The following KANK1 variants were observed in gnomAD, a reference collection of about 807,000 sequenced individuals.
KANK1 encodes KN motif and ankyrin repeat domains 1, also known as KN motif and ankyrin repeat domain-containing protein 1.
Under a neutral mutation model 106.2 loss-of-function variants are expected in KANK1, and 109 were observed. The observed-to-expected ratio is 1.03, with a 90% CI of 0.88 to 1.20. The LOEUF is 1.20. Among genes scored for constraint, KANK1 ranks in the 50% most tolerant of loss-of-function variants. The probability of loss-of-function intolerance (pLI) is 0.00; values close to 1 mark genes in which losing one functional copy is unlikely to be tolerated. For synonymous variants in KANK1, 873 were observed against 652.2 expected, an observed-to-expected ratio of 1.34 and a Z score of -5.16; for missense variants, 2,399 against 1,710.7, an observed-to-expected ratio of 1.40 and a Z score of -7.10.
At chr9:669,595 A>C (rs895409862) in intron 1 of KANK1, among the ~76,000 whole-genome samples, 1 of 152,146 alleles carries the variant, frequency 6.6e-6, no homozygotes, top group South Asian at 2.1e-4. Flanking sequence ...TGTGTTGCCA[A>C]CTGAAGTGGA....
intron 1 of KANK1, among the ~76,000 whole-genome samples, chr9:639,531 G>A (rs1030828292): frequency 6.6e-6 from 1 of 151,928 alleles, no homozygotes; most frequent in Admixed American, 6.6e-5. Flanking sequence ...TGGCCAGGCT[G>A]GTCTTGAACT....
At chr9:572,702 T>C (rs1244400514) in intron 1 of KANK1, among the ~76,000 whole-genome samples, 1 of 152,180 alleles carries the variant, frequency 6.6e-6, no homozygotes, top group Non-Finnish European at 1.5e-5. Context: ...AGCCCTACTT[T>C]TGCTTTTTTG....
intron 3 of KANK1, among the ~76,000 whole-genome samples, chr9:498,148 G>T (rs557655400): frequency 2.6e-5 from 4 of 152,276 alleles, no homozygotes; most frequent in Non-Finnish European, 2.9e-5. Flanking sequence ...GCACAGGTAG[G>T]TATTACTGCC....
chr9:599,041 G>A (rs1409266485), intron 1 of KANK1, among the ~76,000 whole-genome samples: 20 of 142,518 alleles, frequency 1.4e-4, no homozygotes, highest in Non-Finnish European at 2.6e-4. Flanking sequence ...TTTTTGAGAC[G>A]GAGTTTCGCT....
At chr9:677,838 A>C (rs1020999837) in intron 2 of KANK1, among the ~76,000 whole-genome samples, 2 of 152,216 alleles carry the variant, frequency 1.3e-5, no homozygotes, top group African/African-American at 4.8e-5. Context: ...AATTGGAGCC[A>C]GGAAACCTGA....
upstream of KANK1, among the ~76,000 whole-genome samples, chr9:504,539 G>A (rs1399662110): frequency 6.6e-6 from 1 of 151,524 alleles, no homozygotes; most frequent in African/African-American, 2.4e-5. Flanking sequence ...CTCACGCGCC[G>A]CTCCGGGGCG....
chr9:650,722 A>G (rs1227804825), intron 1 of KANK1, among the ~76,000 whole-genome samples: 1 of 151,996 alleles, frequency 6.6e-6, no homozygotes, highest in Non-Finnish European at 1.5e-5. Context: ...AAGCTTAAGT[A>G]TTGTCCCCGG....
intron 1 of KANK1, among the ~76,000 whole-genome samples, chr9:650,015 C>A (rs1840538332): frequency 6.6e-6 from 1 of 152,192 alleles, no homozygotes; most frequent in African/African-American, 2.4e-5. Flanking sequence ...GGGAAAGGTG[C>A]TACTTCGTAA....
intron 1 of KANK1, among the ~76,000 whole-genome samples, chr9:596,398 G>A (rs975380169): frequency 5.3e-5 from 8 of 151,768 alleles, no homozygotes; most frequent in South Asian, 2.1e-4. Context: ...GGTTAAGTTC[G>A]GGTAGAGAAA....
chr9:711,816 G>C lies in KANK1; in HGVS notation c.1050G>C (p.Glu350Asp). 3 of 1,614,172 alleles carry C rather than the reference G, an allele frequency of 1.9e-6. No homozygotes were observed. The African/African-American group carries it at 4.0e-5, about 22-fold the overall frequency. Residue 350 changes from glutamate (E) to aspartate (D), a missense_variant, in exon 3 of 12, where the codon GAG (glutamate) becomes GAC (aspartate). Transcript: ENST00000382297. ...RSGGELYIDYEEEEMETVEQS... is the reference protein window; with the variant it reads ...RSGGELYIDYDEEEMETVEQS... Reference sequence around the variant, plus strand: ...GCGGGGAATTATACATTGACTATGAGGAGGAAGAAATGGAGACCGTAGAAC... The same window carrying C: ...GCGGGGAATTATACATTGACTATGACGAGGAAGAAATGGAGACCGTAGAAC...
intron 1 of KANK1, among the ~76,000 whole-genome samples, chr9:604,691 C>T (rs1027060989): frequency 2.6e-5 from 4 of 151,492 alleles, no homozygotes; most frequent in Non-Finnish European, 5.9e-5. Context: ...ATTAGCCGGG[C>T]GGGTGGCGCA....
intron 2 of KANK1, among the ~76,000 whole-genome samples, chr9:696,633 C>T (rs1162888487): frequency 6.6e-6 from 1 of 151,954 alleles, no homozygotes; most frequent in Admixed American, 6.6e-5. Flanking sequence ...TGGGGAGGAA[C>T]CTGGGAGGTG....
upstream of KANK1, chr9:504,579 G>A (rs1402687383): frequency 2.0e-5 from 3 of 150,548 alleles, no homozygotes; most frequent in Non-Finnish European, 4.4e-5. Context: ...CCGCGGGTGA[G>A]AGGCTTGCTG....
intron 3 of KANK1, among the ~76,000 whole-genome samples, chr9:474,934 TAGGC>T (rs1466332462): frequency 5.3e-5 from 8 of 152,232 alleles, no homozygotes; most frequent in African/African-American, 1.9e-4. Flanking sequence ...TTACAGTAGA[TAGGC>T]AGACATGTGC....
Position 712,287 on chromosome 9 carries a change from C to A in KANK1, c.1521C>A (p.Ala507=). 1.2e-6 allele frequency: 2 copies of A among 1,614,156 alleles called. No individual in the cohort carries two copies. The highest frequency in any genetic ancestry group is 1.7e-6 in the Non-Finnish European group (2 of 1,180,030). ...SRKKVDKATM[A]QPLVFSKVVE... is the part of the protein sequence containing the mutation. ...AAAAGGTTGACAAAGCCACGATGGC[C>A]CAGCCGCTTGTTTTCAGTAAGGTGG... Residue 507 remains alanine (A), a synonymous_variant, in exon 3 of 12, where the codon GCC becomes GCA. Coordinates refer to ENST00000382297, the MANE Select transcript of KANK1 (RefSeq NM_015158.5).
At chr9:523,517 C>G (rs2059644088) in intron 1 of KANK1, among the ~76,000 whole-genome samples, 1 of 151,810 alleles carries the variant, frequency 6.6e-6, no homozygotes, top group South Asian at 2.1e-4. Flanking sequence ...CGTAGACTCT[C>G]TGTTGGCTCC....
In KANK1 at chr9:713,105, C is replaced by A; in HGVS notation, c.2339C>A (p.Ala780Asp). 1 of 1,609,122 alleles carries A rather than the reference C, an allele frequency of 6.2e-7. No individual in the cohort carries two copies. Among genetic ancestry groups the A allele is most frequent in the South Asian group, 1.1e-5 (1 of 90,448 alleles). Residue 780 changes from alanine (A) to aspartate (D), a missense_variant, in exon 3 of 12, where the codon GCT becomes GAT. Coordinates refer to ENST00000382297, the MANE Select transcript of KANK1 (RefSeq NM_015158.5). ...GTTGGTCTCAAAATGAGGACTATAG[C>A]TTGTGGGCCACCACAGTTGACTGTG... The part of the protein sequence containing the change: ...YLVGLKMRTI[A>D]CGPPQLTVGL...
At position 603,842 on chromosome 9, in the gene KANK1, C is replaced by G. The variant is rs117659018; in HGVS notation, c.-83-73048C>G. 5.3e-3 allele frequency among the ~76,000 whole-genome samples: 800 copies of G among 150,906 alleles called. 32 individuals carry two copies. In the East Asian group the frequency reaches 0.092, roughly 17 times the overall value. ...GGGTGTGGTGGTGTGCGCCATAGTC[C>G]CAGCTACTCTGGAGGCTGAGGCAGG... is the stretch of plus-strand genomic sequence containing the variant. On this transcript the variant is annotated intron_variant, in intron 1 of 11. Coordinates refer to ENST00000382297, the MANE Select transcript of KANK1 (RefSeq NM_015158.5).
chr9:550,262 A>G (rs1003339563), intron 1 of KANK1, among the ~76,000 whole-genome samples: 14 of 152,040 alleles, frequency 9.2e-5, no homozygotes, highest in Non-Finnish European at 1.3e-4. Context: ...TGGTAATTCT[A>G]AAGCTCCAAT....
Sources: allele counts gnomAD v4.1 joint callset (sites outside exome capture counted in the v4.1 genomes callset), GRCh38; gene constraint gnomAD v4.1.1; transcripts MANE v1.5; gene names NCBI Gene and HGNC (gene_info 2026-07-23, HGNC 2026-07-21).